ST3GAL1: variants seen among roughly 807,000 people sequenced by gnomAD.
ST3GAL1 encodes CMP-N-acetylneuraminate-beta-galactosamide-alpha-2,3-sialyltransferase 1.
ST3GAL1 carries 16 observed loss-of-function variants against 34.1 expected under a neutral mutation model. That is an observed-to-expected ratio of 0.47 (90% CI 0.32 to 0.71). The LOEUF is 0.71. ST3GAL1 is among the 30% of genes least tolerant of loss of function. ST3GAL1 has a pLI of 0.04. For synonymous variants in ST3GAL1, 191 were observed against 184.7 expected (o/e 1.03, Z -0.28); for missense variants, 353 against 447.4 (o/e 0.79, Z 1.90).
At chr8:133,470,698 G>C (rs1815919477) in intron 5 of ST3GAL1, among the ~76,000 whole-genome samples, 1 of 152,142 alleles carries the variant, frequency 6.6e-6, no homozygotes, top group South Asian at 2.1e-4. Context: ...GAGAAGCAAG[G>C]CAGGAGAAGG....
chr8:133,519,793 T>A (rs541206948), intron 2 of ST3GAL1, among the ~76,000 whole-genome samples: 59 of 140,806 alleles, frequency 4.2e-4, no homozygotes, highest in Non-Finnish European at 8.0e-4. Context: ...TAAAAAAAAA[T>A]ACAAACATTA....
chr8:133,542,394 G>T (rs181776026), intron 2 of ST3GAL1, among the ~76,000 whole-genome samples: 30 of 152,274 alleles, frequency 2.0e-4, no homozygotes, highest in Admixed American at 1.7e-3. Flanking sequence ...GACAGATTTG[G>T]GGCAACGTAA....
At chr8:133,470,169 C>T (rs1199204987) in intron 5 of ST3GAL1, among the ~76,000 whole-genome samples, 1 of 152,176 alleles carries the variant, frequency 6.6e-6, no homozygotes, top group Non-Finnish European at 1.5e-5. Flanking sequence ...CCTGTAATCC[C>T]AACACTTTGC....
rs544440498 is a variant in ST3GAL1, at chr8:133,568,853, C to T, written c.-582+2840G>A. 2.0e-5 allele frequency among the ~76,000 whole-genome samples: 3 copies of T among 152,196 alleles called. No individual in the cohort carries two copies. The East Asian group carries it at 5.8e-4, about 29-fold the overall frequency. On this transcript the variant is annotated intron_variant, in intron 1 of 9. Coordinates refer to ENST00000522652, the MANE Select transcript of ST3GAL1 (RefSeq NM_173344.3). ...AGAGATCTACCTCACCCCCAAAGAC[C>T]CAGGACCTAGAAGGACTCCTTCCTG...
chr8:133,544,282 C>A (rs1200146065), intron 2 of ST3GAL1, among the ~76,000 whole-genome samples: 2 of 152,320 alleles, frequency 1.3e-5, no homozygotes, highest in Non-Finnish European at 2.9e-5. Context: ...CCAAGCAGAA[C>A]CTCCTGCCAT....
intron 2 of ST3GAL1, among the ~76,000 whole-genome samples, chr8:133,512,084 T>C (rs1817513339): frequency 6.6e-6 from 1 of 152,086 alleles, no homozygotes; most frequent in African/African-American, 2.4e-5. Flanking sequence ...TTAAGAAGAA[T>C]TGACTCACAC....
intron 2 of ST3GAL1, among the ~76,000 whole-genome samples, chr8:133,520,526 G>A (rs1427651681): frequency 6.6e-6 from 1 of 152,158 alleles, no homozygotes; most frequent in Admixed American, 6.5e-5. Context: ...TGAGCCAGGA[G>A]CTCATGGGTT....
rs1815246884 is a variant in ST3GAL1 at position 133,454,970 on chromosome 8, C to T, written c.*4794G>A. The T allele has an allele frequency of 6.6e-6, 1 of 152,260 alleles. No homozygotes were observed. The highest frequency in any genetic ancestry group is 2.1e-4 in the South Asian group (1 of 4,828). The allele number at this position is 152,260 out of a possible 1,614,324, so 9.4% of individuals were successfully genotyped here. On this transcript the variant is annotated 3_prime_UTR_variant, in exon 10 of 10. Transcript: ENST00000522652. ...TTGCTGAAGTCATTCGAATGCATCCCAACCAGTGCTCAGCTGCGTAACGAC... is the reference window on the plus strand; with the variant it reads ...TTGCTGAAGTCATTCGAATGCATCCTAACCAGTGCTCAGCTGCGTAACGAC...
At chr8:133,561,915 G>A (rs1198611925) in intron 1 of ST3GAL1, among the ~76,000 whole-genome samples, 1 of 152,036 alleles carries the variant, frequency 6.6e-6, no homozygotes, top group Non-Finnish European at 1.5e-5. Flanking sequence ...TGCAAGGTTG[G>A]TGAAGGTCTG....
intron 3 of ST3GAL1, among the ~76,000 whole-genome samples, chr8:133,494,288 G>C (rs1271989437): frequency 6.6e-6 from 1 of 152,206 alleles, no homozygotes; most frequent in Non-Finnish European, 1.5e-5. Flanking sequence ...TCTGTTCCAA[G>C]ATTCTCATTC....
intron 3 of ST3GAL1, among the ~76,000 whole-genome samples, chr8:133,497,775 T>C (rs1817013739): frequency 6.6e-6 from 1 of 151,908 alleles, no homozygotes; most frequent in Admixed American, 6.6e-5. Context: ...GCCCAGCGGA[T>C]TTTTCTTGCT....
chr8:133,558,398 T>C (rs1375858379), intron 1 of ST3GAL1, among the ~76,000 whole-genome samples: 2 of 152,222 alleles, frequency 1.3e-5, no homozygotes, highest in Admixed American at 1.3e-4. Flanking sequence ...TTCAGCAACT[T>C]GCTGAAGGAC....
intron 1 of ST3GAL1, among the ~76,000 whole-genome samples, chr8:133,561,880 A>G (rs1236102447): frequency 6.6e-6 from 1 of 152,068 alleles, no homozygotes; most frequent in Non-Finnish European, 1.5e-5. Context: ...CTAAAGGAAT[A>G]AACTAAGGAC....
In ST3GAL1 at chr8:133,466,154, C is replaced by A; in HGVS notation, c.307-64G>T. The A allele has an allele frequency of 1.3e-6, 2 of 1,522,066 alleles. No homozygotes were observed. The highest frequency in any genetic ancestry group is 1.3e-5 in the South Asian group (1 of 79,992). The allele number at this position is 1,522,066 out of a possible 1,614,324, so 94.3% of individuals were successfully genotyped here. On this transcript the variant is annotated intron_variant, in intron 5 of 9. Transcript: ENST00000522652. This position sits in a 1 kb window ranked among gnomAD's most constrained non-coding sequence, Gnocchi z 4.4. ...TGGCTCCAGCCTCCTGGCAGCAGAG[C>A]CCCTGAGCTACCTGCTGTCGTTTAC...
intron 3 of ST3GAL1, among the ~76,000 whole-genome samples, chr8:133,495,358 ACT>A (rs550438352): frequency 1.8e-4 from 27 of 151,958 alleles, no homozygotes; most frequent in Non-Finnish European, 3.1e-4. Flanking sequence ...GTGACCCTAC[ACT>A]CTCTTTCACA....
In ST3GAL1 at chr8:133,511,907, G is replaced by T. The variant is rs372837914; in HGVS notation, c.-428-12718C>A. ...TCTCTACTAAAAATACAAAAAATTA[G>T]CTGGGCATGGTGGCATGCACCTGTA... On this transcript the variant is annotated intron_variant, in intron 2 of 9. Transcript: ENST00000522652. Among the ~76,000 whole-genome samples the T allele has an allele frequency of 4.6e-5, 7 of 152,220 alleles. No homozygotes were observed. In the East Asian group the frequency reaches 1.2e-3, roughly 25 times the overall value.
chr8:133,455,437 C>T lies in ST3GAL1; in HGVS notation c.*4327G>A, dbSNP rs886143886. The T allele has an allele frequency of 6.6e-6, 1 of 152,266 alleles. No homozygotes were observed. The highest frequency in any genetic ancestry group is 2.4e-5 in the African/African-American group (1 of 41,446). The allele number at this position is 152,266 out of a possible 1,614,324, so 9.4% of individuals were successfully genotyped here. ...GAGATGCTGTCTTGCCTGTCTCTGCCTTTTCTTCTAAGTTTTCCTCCTTTT... is the reference window on the plus strand; with the variant it reads ...GAGATGCTGTCTTGCCTGTCTCTGCTTTTTCTTCTAAGTTTTCCTCCTTTT... On this transcript the variant is annotated 3_prime_UTR_variant, in exon 10 of 10. Coordinates refer to ENST00000522652, the MANE Select transcript of ST3GAL1 (RefSeq NM_173344.3).
intron 3 of ST3GAL1, among the ~76,000 whole-genome samples, chr8:133,484,352 G>A (rs867681269): frequency 2.6e-5 from 4 of 152,190 alleles, no homozygotes; most frequent in South Asian, 4.1e-4. Flanking sequence ...CTTAATACAC[G>A]GGAGTTACCT....
intron 2 of ST3GAL1, among the ~76,000 whole-genome samples, chr8:133,535,536 T>TTTTTTTTTTTTTTTTTTTTTA: frequency 6.6e-6 from 1 of 150,702 alleles, no homozygotes. Flanking sequence ...TTTTTTTTTT[T>TTTTTTTTTTTTTTTTTTTTTA]AGAAACAAGG....
Sources: gnomAD v4.1 joint callset for allele counts (sites outside exome capture counted in the v4.1 genomes callset) on GRCh38, gnomAD v4.1.1 for gene constraint, Gnocchi (gnomAD v3.1) non-coding constraint, MANE v1.5 for transcripts, NCBI Gene and HGNC (gene_info 2026-07-23, HGNC 2026-07-21) for gene names.